Variants in PIP5K1B observed in about 807,000 individuals in gnomAD.
The protein encoded by PIP5K1B is phosphatidylinositol-4-phosphate 5-kinase type 1 beta.
In PIP5K1B, 42 loss-of-function variants were observed where a neutral mutation model predicts 67.0. The observed-to-expected ratio is 0.63, with a 90% CI of 0.49 to 0.81. PIP5K1B has a LOEUF of 0.81. PIP5K1B is among the 30% of genes least tolerant of loss of function. The pLI is 0.00. For synonymous variants in PIP5K1B, 214 were observed against 231.4 expected (o/e 0.92, Z 0.68); for missense variants, 459 against 646.3 (o/e 0.71, Z 3.14).
At chr9:68,990,904 C>T (rs770326902) in intron 14 of PIP5K1B, among the ~76,000 whole-genome samples, 24 of 152,022 alleles carry the variant, frequency 1.6e-4, no homozygotes, top group African/African-American at 5.3e-4. Context: ...CCTCGTGATC[C>T]GCCGGCCTCA....
At chr9:68,763,646 G>A (rs373074693) in intron 2 of PIP5K1B, among the ~76,000 whole-genome samples, 3 of 152,056 alleles carry the variant, frequency 2.0e-5, no homozygotes, top group Non-Finnish European at 2.9e-5. Flanking sequence ...TATAAACTCC[G>A]TGTCATCATT....
At chr9:68,873,243 T>A (rs542746779) in intron 5 of PIP5K1B, among the ~76,000 whole-genome samples, 1 of 151,820 alleles carries the variant, frequency 6.6e-6, no homozygotes, top group African/African-American at 2.4e-5. Flanking sequence ...AAGTGCCTGA[T>A]CATATCGTCA....
At chr9:68,766,176 A>G (rs1429931590) in intron 2 of PIP5K1B, among the ~76,000 whole-genome samples, 3 of 152,156 alleles carry the variant, frequency 2.0e-5, no homozygotes, top group African/African-American at 7.2e-5. Flanking sequence ...ATGTGCACTA[A>G]GACTTGGTGG....
chr9:68,778,747 G>A (rs1012500378), intron 2 of PIP5K1B, among the ~76,000 whole-genome samples: 3 of 152,112 alleles, frequency 2.0e-5, no homozygotes, highest in East Asian at 1.9e-4. Flanking sequence ...CTCCAGTGGC[G>A]TTTCATCATA....
At chr9:68,793,082 T>TGTGTATGTGTATACACATATG (rs1832075539) in intron 2 of PIP5K1B, among the ~76,000 whole-genome samples, 2 of 144,042 alleles carry the variant, frequency 1.4e-5, no homozygotes, top group Non-Finnish European at 1.5e-5. Flanking sequence ...AGTGTGTATG[T>TGTGTATGTGTATACACATATG]GTGTATGTGT....
intron 15 of PIP5K1B, among the ~76,000 whole-genome samples, chr9:69,007,138 G>A (rs980550608): frequency 1.3e-5 from 2 of 152,308 alleles, no homozygotes; most frequent in Admixed American, 6.5e-5. Context: ...AGCGGCCAAC[G>A]TATAAAACAA....
intron 8 of PIP5K1B, among the ~76,000 whole-genome samples, chr9:68,915,212 C>T (rs1826036490): frequency 6.6e-6 from 1 of 152,016 alleles, no homozygotes; most frequent in African/African-American, 2.4e-5. Context: ...TCCCTCATCC[C>T]CCATGTCCTT....
At chr9:68,970,736 A>G (rs764852822) in intron 14 of PIP5K1B, among the ~76,000 whole-genome samples, 1 of 152,196 alleles carries the variant, frequency 6.6e-6, no homozygotes, top group Non-Finnish European at 1.5e-5. Context: ...TATGGATTTG[A>G]GCACCCCCTG....
chr9:68,840,409 G>C (rs916657420), intron 4 of PIP5K1B, among the ~76,000 whole-genome samples: 11 of 152,052 alleles, frequency 7.2e-5, no homozygotes, highest in Non-Finnish European at 1.0e-4. Context: ...TTTCACACTT[G>C]CTATATGTAT....
intron 7 of PIP5K1B, among the ~76,000 whole-genome samples, chr9:68,893,333 CTT>C (rs397792694): frequency 9.0e-6 from 1 of 110,954 alleles, no homozygotes; most frequent in African/African-American, 3.5e-5. Context: ...TATTTTTTTT[CTT>C]TTTTTTTTTT....
intron 4 of PIP5K1B, among the ~76,000 whole-genome samples, chr9:68,861,835 G>A (rs976527625): frequency 6.6e-6 from 1 of 151,978 alleles, no homozygotes; most frequent in Non-Finnish European, 1.5e-5. Flanking sequence ...ACGCCAAATG[G>A]TGGCATTGCA....
chr9:68,909,710 T>A (rs1318710362), intron 8 of PIP5K1B, among the ~76,000 whole-genome samples: 1 of 152,194 alleles, frequency 6.6e-6, no homozygotes, highest in African/African-American at 2.4e-5. Context: ...GATTGTAGGA[T>A]CCTACAGGTT....
chr9:68,867,247 C>T (rs1023729312), intron 5 of PIP5K1B, among the ~76,000 whole-genome samples: 1 of 152,158 alleles, frequency 6.6e-6, no homozygotes, highest in Non-Finnish European at 1.5e-5. Context: ...GCTCTACACC[C>T]TCGGACTCCG....
chr9:68,931,902 T>G (rs965410037), intron 12 of PIP5K1B, among the ~76,000 whole-genome samples: 11 of 152,118 alleles, frequency 7.2e-5, no homozygotes, highest in African/African-American at 2.7e-4. Context: ...TCAAAAGAGA[T>G]CCTGAGAATT....
At chr9:68,905,417 G>T (rs1346498629) in intron 8 of PIP5K1B, among the ~76,000 whole-genome samples, 22 of 150,174 alleles carry the variant, frequency 1.5e-4, no homozygotes, top group Non-Finnish European at 4.4e-5. Context: ...GGGCAGAGTT[G>T]CCAACAGCCA....
rs115248326 is a variant in PIP5K1B at position 68,824,287 on chromosome 9, G to T, written c.69+1604G>T. 152 of 517,786 alleles carry T rather than the reference G, an allele frequency of 2.9e-4. 1 individual carries two copies. The highest frequency in any genetic ancestry group is 2.7e-3 in the African/African-American group (139 of 51,992). 32.1% of individuals were successfully genotyped at this position (517,786 alleles called of 1,614,324 possible). ...AATTCTGACTCACAGGAGATCCTTT[G>T]TCGCTGCAAAAGTTATAGAAAAAAT... On this transcript the variant is annotated intron_variant, in intron 4 of 15. Transcript: ENST00000265382.
intron 2 of PIP5K1B, among the ~76,000 whole-genome samples, chr9:68,798,930 A>T (rs1832440290): frequency 6.6e-6 from 1 of 152,244 alleles, no homozygotes; most frequent in Non-Finnish European, 1.5e-5. Context: ...GGGAGAGGGC[A>T]TACTAAGGAG....
At chr9:68,942,348 C>T (rs763729418) in intron 14 of PIP5K1B, among the ~76,000 whole-genome samples, 2 of 152,170 alleles carry the variant, frequency 1.3e-5, no homozygotes, top group Non-Finnish European at 2.9e-5. Flanking sequence ...GATTTCTTAC[C>T]GTTTGCTGTC....
chr9:68,714,005 C>G (rs1204839162), intron 1 of PIP5K1B, among the ~76,000 whole-genome samples: 1 of 152,190 alleles, frequency 6.6e-6, no homozygotes, highest in Non-Finnish European at 1.5e-5. Context: ...CTAGCCCTGG[C>G]TTTTCTGACT....
Sources: gnomAD v4.1 joint callset for allele counts (sites outside exome capture counted in the v4.1 genomes callset) on GRCh38, gnomAD v4.1.1 for gene constraint, MANE v1.5 for transcripts, NCBI Gene and HGNC (gene_info 2026-07-23, HGNC 2026-07-21) for gene names.